The following CHST8 variants were observed in gnomAD, a reference collection of about 807,000 sequenced individuals.
CHST8 encodes GALNAC-4-ST1.
In CHST8, 10 loss-of-function variants were observed where a neutral mutation model predicts 15.0. The ratio of observed to expected loss-of-function variants is 0.67; its 90% CI spans 0.41 to 1.13. The LOEUF (loss-of-function observed/expected upper bound fraction) is 1.13, where lower values mean the gene tolerates loss of function less well. Ranked by LOEUF, CHST8 falls within the 50% of genes most tolerant of loss-of-function variation. The pLI, the probability that CHST8 is intolerant of heterozygous loss-of-function variation, is 0.00. For missense variants in CHST8, 634 were observed against 608.2 expected, an observed-to-expected ratio of 1.04 and a Z score of -0.45; for synonymous variants, 259 against 256.6, an observed-to-expected ratio of 1.01 and a Z score of -0.09.
chr19:33,656,681 C>T (rs564282284), intron 1 of CHST8, among the ~76,000 whole-genome samples: 26 of 152,032 alleles, frequency 1.7e-4, no homozygotes, highest in South Asian at 8.3e-4. Context: ...GGACCACAGG[C>T]GCACACCACC....
chr19:33,757,424 A>G (rs866195870), intron 3 of CHST8, among the ~76,000 whole-genome samples: 1,387 of 14,100 alleles, frequency 0.098, 73 homozygotes, highest in Admixed American at 0.12. Context: ...GAAAGAAAGA[A>G]AGAAAGAAAG....
intron 3 of CHST8, among the ~76,000 whole-genome samples, chr19:33,749,221 C>T (rs916527984): frequency 2.0e-5 from 3 of 152,150 alleles, no homozygotes; most frequent in Admixed American, 1.3e-4. Context: ...GGAGAGCACA[C>T]CCGGAGCCAG....
chr19:33,677,615 A>G (rs1000222870), intron 2 of CHST8, among the ~76,000 whole-genome samples: 1 of 152,188 alleles, frequency 6.6e-6, no homozygotes, highest in Non-Finnish European at 1.5e-5. Context: ...AAATAGCTCC[A>G]TGGTACCAGT....
chr19:33,658,784 C>T (rs1972546222), intron 1 of CHST8, among the ~76,000 whole-genome samples: 1 of 152,068 alleles, frequency 6.6e-6, no homozygotes, highest in African/African-American at 2.4e-5. Flanking sequence ...ACATTCTCAG[C>T]CATTATCCTC....
rs1457825761 is a variant in CHST8 at position 33,672,374 on chromosome 19, T to C, written c.-87+4531T>C. ...CACCACACCCAGCTGATTTTTGTATTTTTTGTAGAGATGGGGTATCACCAT... is the reference window on the plus strand; with the variant it reads ...CACCACACCCAGCTGATTTTTGTATCTTTTGTAGAGATGGGGTATCACCAT... On this transcript the variant is annotated intron_variant, in intron 2 of 4. Coordinates refer to ENST00000650847, the MANE Select transcript of CHST8 (RefSeq NM_001127895.2). Among the ~76,000 whole-genome samples, 8 of 152,092 alleles carry C rather than the reference T, an allele frequency of 5.3e-5. No individual in the cohort carries two copies. In the East Asian group the frequency reaches 1.5e-3, roughly 29 times the overall value.
chr19:33,628,938 C>T (rs1465048159), intron 1 of CHST8, among the ~76,000 whole-genome samples: 1 of 152,180 alleles, frequency 6.6e-6, no homozygotes, highest in Admixed American at 6.5e-5. Context: ...TCACATCCTC[C>T]TAGGACTGGG....
chr19:33,692,466 G>C (rs1003774615), intron 3 of CHST8, among the ~76,000 whole-genome samples: 11 of 152,164 alleles, frequency 7.2e-5, no homozygotes, highest in African/African-American at 2.7e-4. Flanking sequence ...GGGAGGCCTG[G>C]GTGGGAGAAT....
intron 1 of CHST8, among the ~76,000 whole-genome samples, chr19:33,655,228 G>T (rs1442099534): frequency 6.6e-6 from 1 of 152,126 alleles, no homozygotes; most frequent in South Asian, 2.1e-4. Context: ...GTAGAGACAG[G>T]GTTTTGCCAT....
chr19:33,624,262 T>A (rs1478828290), intron 1 of CHST8, among the ~76,000 whole-genome samples: 1 of 152,252 alleles, frequency 6.6e-6, no homozygotes, highest in Non-Finnish European at 1.5e-5. Context: ...ATAAATTGCC[T>A]GAGCAGGCAA....
chr19:33,734,909 C>T (rs1974056130), intron 3 of CHST8, among the ~76,000 whole-genome samples: 1 of 152,130 alleles, frequency 6.6e-6, no homozygotes, highest in Non-Finnish European at 1.5e-5. Flanking sequence ...ATCCCCTGAC[C>T]CCAGCATCAA....
In CHST8 at chr19:33,731,232, A is replaced by G. The variant is rs556505219; in HGVS notation, c.131-40181A>G. 2.6e-5 allele frequency among the ~76,000 whole-genome samples: 4 copies of G among 152,368 alleles called. No homozygotes were observed. The East Asian group carries it at 7.7e-4, about 29-fold the overall frequency. Reference sequence around the variant, plus strand: ...AGAATGACTACTCCATAGGCGGAGCAGCAGCTTGGGCTGCTGGACTAAGGA... The same window carrying G: ...AGAATGACTACTCCATAGGCGGAGCGGCAGCTTGGGCTGCTGGACTAAGGA... On this transcript the variant is annotated intron_variant, in intron 3 of 4. Transcript: ENST00000650847.
At chr19:33,715,224 C>T (rs529685458) in intron 3 of CHST8, among the ~76,000 whole-genome samples, 5 of 152,306 alleles carry the variant, frequency 3.3e-5, no homozygotes, top group South Asian at 4.1e-4. Flanking sequence ...AGGTCATGGA[C>T]GTGTGTGAAT....
At chr19:33,725,853 C>T (rs1390017209) in intron 3 of CHST8, among the ~76,000 whole-genome samples, 2 of 152,160 alleles carry the variant, frequency 1.3e-5, no homozygotes, top group East Asian at 1.9e-4. Context: ...TGACCTGGGC[C>T]GGAGCCTGGC....
chr19:33,741,770 G>C (rs1974198618), intron 3 of CHST8, among the ~76,000 whole-genome samples: 1 of 151,752 alleles, frequency 6.6e-6, no homozygotes, highest in African/African-American at 2.4e-5. Flanking sequence ...TATTGCCTTT[G>C]ATTTAATGTC....
At chr19:33,767,717 G>A (rs952554384) in intron 3 of CHST8, among the ~76,000 whole-genome samples, 2 of 152,214 alleles carry the variant, frequency 1.3e-5, no homozygotes, top group African/African-American at 4.8e-5. Context: ...GAGAAGAGAG[G>A]TAACTCAAGA....
chr19:33,684,469 G>C (rs1054786601), intron 2 of CHST8: 1 of 152,336 alleles, frequency 6.6e-6, no homozygotes, highest in African/African-American at 2.4e-5. Flanking sequence ...CTGAGCACTC[G>C]CGCCCATCCG....
At chr19:33,765,772 G>A (rs1285374283) in intron 3 of CHST8, among the ~76,000 whole-genome samples, 17 of 152,072 alleles carry the variant, frequency 1.1e-4, no homozygotes, top group Non-Finnish European at 1.0e-4. Context: ...TGTTGGCCAG[G>A]ATGGTCTTGA....
chr19:33,740,826 A>G (rs1568350488), intron 3 of CHST8, among the ~76,000 whole-genome samples: 1 of 152,156 alleles, frequency 6.6e-6, no homozygotes, highest in Admixed American at 6.6e-5. Flanking sequence ...GGGGCTGTCC[A>G]TGGTGTTGAG....
At chr19:33,649,944 G>A (rs1382599084) in intron 1 of CHST8, among the ~76,000 whole-genome samples, 1 of 152,172 alleles carries the variant, frequency 6.6e-6, no homozygotes, top group African/African-American at 2.4e-5. Context: ...AACTCCTGTG[G>A]CAGTTAGAGC....
Sources: allele counts gnomAD v4.1 joint callset (sites outside exome capture counted in the v4.1 genomes callset), GRCh38; gene constraint gnomAD v4.1.1; transcripts MANE v1.5; gene names NCBI Gene and HGNC (gene_info 2026-07-23, HGNC 2026-07-21).